Variants in SCN3A observed in about 807,000 individuals in gnomAD.
SCN3A encodes sodium voltage-gated channel alpha subunit 3, also known as sodium channel protein type 3 subunit alpha.
Under a neutral mutation model 187.6 loss-of-function variants are expected in SCN3A, and 60 were observed. The observed-to-expected ratio is 0.32, with a 90% CI of 0.26 to 0.40. The LOEUF (loss-of-function observed/expected upper bound fraction) is 0.40, where lower values mean the gene tolerates loss of function less well. Ranked by LOEUF, SCN3A falls within the 10% of genes least tolerant of loss-of-function variation. The pLI, the probability that SCN3A is intolerant of heterozygous loss-of-function variation, is 1.00. For missense variants in SCN3A, 1,601 were observed against 2,428.2 expected (o/e 0.66, Z 7.16); for synonymous variants, 788 against 829.2 (o/e 0.95, Z 0.85).
chr2:165,167,991 A>T (rs145186333), intron 5 of SCN3A, among the ~76,000 whole-genome samples: 3 of 152,240 alleles, frequency 2.0e-5, no homozygotes, highest in Admixed American at 2.0e-4. Flanking sequence ...ATTTCAAGGG[A>T]GAAAGGATGA....
At chr2:165,173,456 T>G (rs529380552) in intron 3 of SCN3A, among the ~76,000 whole-genome samples, 2 of 152,144 alleles carry the variant, frequency 1.3e-5, no homozygotes, top group Non-Finnish European at 2.9e-5. Flanking sequence ...CACTATATAG[T>G]AAATGAGTTC....
rs142029708 is a variant in SCN3A at position 165,146,962 on chromosome 2, T to G, written c.1448A>C (p.Glu483Ala). ...CAACTTTGATGCTTCTGAAGAACTT[T>G]CCAACAGCTCTCCTAACCCACCTAT... ...SGIGGLGELL[E>A]SSSEASKLSS... Residue 483 changes from glutamate (E) to alanine (A), a missense_variant, in exon 12 of 28, where the codon GAA (glutamate) becomes GCA (alanine). Physicochemically the swap from Glu to Ala is moderately radical, Grantham distance 107. Coordinates refer to ENST00000283254, the MANE Select transcript of SCN3A (RefSeq NM_006922.4). The G allele has an allele frequency of 1.2e-6, 2 of 1,613,962 alleles. No homozygotes were observed. The highest frequency in any genetic ancestry group is 1.7e-6 in the Non-Finnish European group (2 of 1,179,970).
At chr2:165,103,692 A>G (rs1373512881) in intron 21 of SCN3A, among the ~76,000 whole-genome samples, 1 of 152,186 alleles carries the variant, frequency 6.6e-6, no homozygotes, top group Non-Finnish European at 1.5e-5. Flanking sequence ...ATGGTTCCAA[A>G]GAAGATTCTG....
chr2:165,179,688 T>C lies in SCN3A; in HGVS notation c.-50-3244A>G, dbSNP rs1690714149. The C allele has an allele frequency of 2.6e-5, 4 of 152,226 alleles. No individual in the cohort carries two copies. The South Asian group carries it at 8.3e-4, about 32-fold the overall frequency. The allele number at this position is 152,226 out of a possible 1,614,324, so 9.4% of individuals were successfully genotyped here. On this transcript the variant is annotated intron_variant, in intron 2 of 27. Coordinates refer to ENST00000283254, the MANE Select transcript of SCN3A (RefSeq NM_006922.4). ...AGGCTAGTTCCAGACTCTCAGCTTT[T>C]CCCCTGCAAGAGAATTAGGGTTTGC...
At chr2:165,123,252 T>C (rs1196864727) in intron 18 of SCN3A, among the ~76,000 whole-genome samples, 1 of 152,164 alleles carries the variant, frequency 6.6e-6, no homozygotes, top group Non-Finnish European at 1.5e-5. Flanking sequence ...TTATATTTGC[T>C]TCCATACCAG....
At chr2:165,135,844 C>G (rs761178674) in intron 15 of SCN3A, among the ~76,000 whole-genome samples, 1 of 152,204 alleles carries the variant, frequency 6.6e-6, no homozygotes, top group South Asian at 2.1e-4. Context: ...TAACTCAAGT[C>G]TGTTCCCTAT....
intron 18 of SCN3A, among the ~76,000 whole-genome samples, chr2:165,116,478 G>A (rs953738550): frequency 4.6e-5 from 7 of 152,154 alleles, no homozygotes; most frequent in Admixed American, 1.3e-4. Context: ...AAGACATGAC[G>A]CACAGCACAA....
chr2:165,187,026 T>G (rs903318203), intron 1 of SCN3A, among the ~76,000 whole-genome samples: 8 of 152,302 alleles, frequency 5.3e-5, no homozygotes, highest in African/African-American at 1.7e-4. Context: ...TCTGAAGGCA[T>G]GCTGGCACTC....
intron 12 of SCN3A, among the ~76,000 whole-genome samples, chr2:165,142,726 T>A (rs943502673): frequency 1.0e-5 from 1 of 99,348 alleles, no homozygotes; most frequent in African/African-American, 6.4e-5. Context: ...AGAACTCGTG[T>A]TGTTGTTGTT....
chr2:165,093,298 A>T (rs1685203484), intron 26 of SCN3A: 1 of 152,192 alleles, frequency 6.6e-6, no homozygotes, highest in Non-Finnish European at 1.5e-5. Context: ...TCATATTTCT[A>T]TTGAATTCTA....
Position 165,090,978 on chromosome 2 carries a change from G to A in SCN3A, c.5175C>T (p.Asp1725=). Residue 1725 remains aspartate (D), a synonymous_variant, in exon 28 of 28, where the codon GAC becomes GAT. Coordinates refer to ENST00000283254, the MANE Select transcript of SCN3A (RefSeq NM_006922.4). The surrounding 1 kb of genome is among the most constrained non-coding windows in gnomAD (Gnocchi z 4.0). ...LAPILNSAPP[D]CDPDTIHPGS... ...CAGGGTGAATTGTGTCAGGGTCACA[G>A]TCGGGTGGTGCACTATTAAGAATAG... The A allele has an allele frequency of 1.2e-6, 2 of 1,614,138 alleles. No individual in the cohort carries two copies.
At chr2:165,125,221 T>C (rs1024762901) in intron 18 of SCN3A, among the ~76,000 whole-genome samples, 6 of 152,118 alleles carry the variant, frequency 3.9e-5, no homozygotes, top group African/African-American at 1.2e-4. Flanking sequence ...AACTTTGAGG[T>C]CTATTTCAAT....
intron 24 of SCN3A, among the ~76,000 whole-genome samples, chr2:165,096,076 T>A (rs937171790): frequency 3.9e-5 from 6 of 152,294 alleles, no homozygotes; most frequent in Non-Finnish European, 7.4e-5. Flanking sequence ...TTTTATTTTC[T>A]AAATTGAGTG....
chr2:165,138,017 A>T lies in SCN3A; in HGVS notation c.2253T>A (p.His751Gln). 6.2e-7 allele frequency: 1 copy of T among 1,613,586 alleles called. No homozygotes were observed. Among genetic ancestry groups the T allele is most frequent in the South Asian group, 1.1e-5 (1 of 91,074 alleles). ...DCCDAWLKVKHLVNLIVMDPF... is the reference protein window; with the variant it reads ...DCCDAWLKVKQLVNLIVMDPF... Reference sequence around the variant, plus strand: ...GATCCATAACAATTAAATTCACAAGATGTTTTACTTTTAACCATGCATCAC... The same window carrying T: ...GATCCATAACAATTAAATTCACAAGTTGTTTTACTTTTAACCATGCATCAC... The change falls in exon 15 of 28, where the codon CAT (histidine) becomes CAA (glutamine). Residue 751 changes from histidine to glutamine, a missense_variant. His to Gln is a conservative substitution (Grantham distance 24). This residue lies in a region of SCN3A where 376 missense variants were observed against 476.0 expected (regional missense o/e 0.79). Coordinates refer to ENST00000283254, the MANE Select transcript of SCN3A (RefSeq NM_006922.4).
intron 12 of SCN3A, among the ~76,000 whole-genome samples, chr2:165,146,380 ATATGTGTGTGTGTG>A (rs1559229096): frequency 1.1e-5 from 1 of 90,512 alleles, no homozygotes. Flanking sequence ...ATATATATAT[ATATGTGTGTGTGTG>A]TGTGTGTGTG....
chr2:165,156,512 C>CAAAAA lies in SCN3A; in HGVS notation c.1032-614_1032-610dup, dbSNP rs558407270. Among the ~76,000 whole-genome samples the CAAAAA allele has an allele frequency of 1.4e-3, 89 of 63,700 alleles. 1 individual carries two copies. The highest frequency in any genetic ancestry group is 2.0e-3 in the Non-Finnish European group (69 of 34,282). The allele number at this position is 63,700 out of a possible 152,430, so 41.8% of individuals were successfully genotyped here. ...TGGGTGACAGAGCGAGACTCTGACTCAAAAAAAAAAAAAAAAAAAAAAAAA... is the reference window on the plus strand; with the variant it reads ...TGGGTGACAGAGCGAGACTCTGACTCAAAAAAAAAAAAAAAAAAAAAAAAAAAAAA... On this transcript the variant is annotated intron_variant, in intron 9 of 27. Coordinates refer to ENST00000283254, the MANE Select transcript of SCN3A (RefSeq NM_006922.4).
At chr2:165,164,317 T>G in intron 6 of SCN3A, 75 bp downstream of exon 6, 1 of 1,584,092 alleles carries the variant, frequency 6.3e-7, no homozygotes, top group Admixed American at 1.7e-5. Context: ...ACATTTAATA[T>G]ATGACACAAA....
chr2:165,168,811 A>C lies in SCN3A; in HGVS notation c.398T>G (p.Leu133Arg). The part of the protein sequence containing the change: ...KILVHSLFSM[L>R]IMCTILTNCV... ...GTTGGTCAAAATAGTGCACATGATA[A>C]GCATGCTGAATAAAGTAGATTATAG... Residue 133 changes from leucine (L) to arginine (R), a missense_variant, in exon 5 of 28, where the codon CTT becomes CGT. Coordinates refer to ENST00000283254, the MANE Select transcript of SCN3A (RefSeq NM_006922.4). The C allele has an allele frequency of 6.2e-7, 1 of 1,610,732 alleles. No homozygotes were observed. The highest frequency in any genetic ancestry group is 8.5e-7 in the Non-Finnish European group (1 of 1,177,208).
At chr2:165,191,798 T>C (rs886660283) in intron 1 of SCN3A, among the ~76,000 whole-genome samples, 4 of 152,204 alleles carry the variant, frequency 2.6e-5, no homozygotes, top group Non-Finnish European at 4.4e-5. Flanking sequence ...CTGGAATATT[T>C]GCCTTTTTGG....
Sources: gnomAD v4.1 joint callset for allele counts (sites outside exome capture counted in the v4.1 genomes callset) on GRCh38, gnomAD v4.1.1 for gene constraint, gnomAD v4.1.1 regional missense constraint, Gnocchi (gnomAD v3.1) non-coding constraint, MANE v1.5 for transcripts, NCBI Gene and HGNC (gene_info 2026-07-23, HGNC 2026-07-21) for gene names.